Variants in SDK1 observed in about 807,000 individuals in gnomAD.
SDK1 encodes protein sidekick-1.
A neutral mutation model predicts 245.5 loss-of-function variants in SDK1; 157 were observed. The ratio of observed to expected loss-of-function variants is 0.64; its 90% CI spans 0.56 to 0.73. The LOEUF (loss-of-function observed/expected upper bound fraction) is 0.73, where lower values mean the gene tolerates loss of function less well. Among genes scored for constraint, SDK1 ranks in the 30% least tolerant of loss-of-function variants. The pLI, the probability that SDK1 is intolerant of heterozygous loss-of-function variation, is 0.00. For synonymous variants in SDK1, 1,647 were observed against 1,278.5 expected (o/e 1.29, Z -6.15); for missense variants, 3,583 against 3,002.3 (o/e 1.19, Z -4.52).
At chr7:3,414,424 A>G (rs1009168928) in intron 1 of SDK1, among the ~76,000 whole-genome samples, 1 of 152,170 alleles carries the variant, frequency 6.6e-6, no homozygotes, top group Admixed American at 6.5e-5. Flanking sequence ...CAGAGCATCC[A>G]GCGAAGGTGG....
At chr7:3,587,499 C>G (rs1439692730) in intron 1 of SDK1, among the ~76,000 whole-genome samples, 2 of 152,114 alleles carry the variant, frequency 1.3e-5, no homozygotes, top group African/African-American at 4.8e-5. Flanking sequence ...GGCCTAAGAA[C>G]CAGGAGTGCC....
chr7:3,390,858 G>C (rs918053693), intron 1 of SDK1, among the ~76,000 whole-genome samples: 1 of 152,154 alleles, frequency 6.6e-6, no homozygotes, highest in African/African-American at 2.4e-5. Context: ...AGGACATTCA[G>C]TTTGTGGCAT....
At chr7:3,419,956 T>C (rs954623924) in intron 1 of SDK1, among the ~76,000 whole-genome samples, 2 of 152,144 alleles carry the variant, frequency 1.3e-5, no homozygotes, top group African/African-American at 4.8e-5. Context: ...TACCAGTGGC[T>C]CAGAAGTAGG....
chr7:3,913,763 A>T (rs192721833), intron 5 of SDK1, among the ~76,000 whole-genome samples: 1 of 152,320 alleles, frequency 6.6e-6, no homozygotes, highest in East Asian at 1.9e-4. Context: ...CCCAGCAAAA[A>T]TAAGAAAACA....
chr7:3,365,795 G>A (rs1222028577), intron 1 of SDK1, among the ~76,000 whole-genome samples: 3 of 149,996 alleles, frequency 2.0e-5, no homozygotes, highest in Admixed American at 6.7e-5. Flanking sequence ...CACTTTGGGA[G>A]GCCGAGGTGG....
intron 1 of SDK1, among the ~76,000 whole-genome samples, chr7:3,339,181 AT>A (rs1196996891): frequency 2.0e-5 from 3 of 152,076 alleles, no homozygotes; most frequent in African/African-American, 7.2e-5. Flanking sequence ...TTCAGAATAA[AT>A]TAATAAAGAC....
At chr7:3,534,488 T>G (rs962768434) in intron 1 of SDK1, among the ~76,000 whole-genome samples, 1 of 152,224 alleles carries the variant, frequency 6.6e-6, no homozygotes, top group Non-Finnish European at 1.5e-5. Flanking sequence ...TTGTACAGTT[T>G]TGCATTCCTA....
intron 4 of SDK1, among the ~76,000 whole-genome samples, chr7:3,795,076 G>T (rs1306867439): frequency 1.3e-5 from 2 of 152,132 alleles, no homozygotes; most frequent in African/African-American, 4.8e-5. Context: ...CGTTCTTCCT[G>T]TTCTCAGATA....
intron 1 of SDK1, among the ~76,000 whole-genome samples, chr7:3,304,923 A>AC (rs1305249924): frequency 1.3e-5 from 2 of 151,788 alleles, no homozygotes; most frequent in African/African-American, 4.8e-5. Flanking sequence ...ATGCTGAGAC[A>AC]CCCCCTCCTC....
intron 1 of SDK1, among the ~76,000 whole-genome samples, chr7:3,485,622 G>A (rs1232636835): frequency 7.3e-6 from 1 of 137,020 alleles, no homozygotes; most frequent in Non-Finnish European, 1.5e-5. Flanking sequence ...TTATGAAAAT[G>A]CTTTCTTGTA....
rs1437332867 is a variant in SDK1, at chr7:4,139,525, A to G, written c.4229-6197A>G. Reference sequence around the variant, plus strand: ...TGTGTATATGTATATATGTGTGTGTATGTGTGTGTGTATATATGTGTGTGT... The same window carrying G: ...TGTGTATATGTATATATGTGTGTGTGTGTGTGTGTGTATATATGTGTGTGT... On this transcript the variant is annotated intron_variant, in intron 28 of 44. Coordinates refer to ENST00000404826, the MANE Select transcript of SDK1 (RefSeq NM_152744.4). Among the ~76,000 whole-genome samples, 113 of 11,742 alleles carry G rather than the reference A, an allele frequency of 9.6e-3. 18 individuals carry two copies. The highest frequency in any genetic ancestry group is 0.015 in the African/African-American group (99 of 6,596). 7.7% of individuals were successfully genotyped at this position (11,742 alleles called of 152,430 possible).
rs533658017 is a variant in SDK1 at position 3,552,046 on chromosome 7, C to CT, written c.299-67024dup. ...AGATTTTACTCTTCTTCTTCTTCTT[C>CT]TTTTTTTTTTGAGCCGGAGCCTCGC... On this transcript the variant is annotated intron_variant, in intron 1 of 44. Transcript: ENST00000404826. Among the ~76,000 whole-genome samples the CT allele has an allele frequency of 3.0e-3, 445 of 147,830 alleles. 4 individuals carry two copies. Among genetic ancestry groups the CT allele is most frequent in the Admixed American group, 6.4e-3 (95 of 14,818 alleles).
At chr7:3,768,307 C>T (rs1303099221) in intron 4 of SDK1, among the ~76,000 whole-genome samples, 1 of 152,150 alleles carries the variant, frequency 6.6e-6, no homozygotes, top group Non-Finnish European at 1.5e-5. Context: ...CCGCATAAAG[C>T]AGAGTGTGAA....
chr7:3,994,203 A>G (rs1784541813), intron 14 of SDK1, among the ~76,000 whole-genome samples: 1 of 152,134 alleles, frequency 6.6e-6, no homozygotes, highest in Non-Finnish European at 1.5e-5. Context: ...GTGTATTTCT[A>G]ACCTAGACCT....
intron 5 of SDK1, among the ~76,000 whole-genome samples, chr7:3,831,362 T>C (rs1779907919): frequency 6.6e-6 from 1 of 152,228 alleles, no homozygotes; most frequent in African/African-American, 2.4e-5. Flanking sequence ...GTATGATTTT[T>C]CCTTTTACGA....
chr7:4,251,790 T>A (rs531791583), intron 44 of SDK1, among the ~76,000 whole-genome samples: 1 of 152,376 alleles, frequency 6.6e-6, no homozygotes, highest in South Asian at 2.1e-4. Context: ...GCTAGTGGTC[T>A]CAGACCTGCT....
intron 1 of SDK1, among the ~76,000 whole-genome samples, chr7:3,303,482 C>G (rs1185917175): frequency 6.6e-6 from 1 of 152,104 alleles, no homozygotes; most frequent in Non-Finnish European, 1.5e-5. Flanking sequence ...TTATCAGTTG[C>G]ACTTTGAAGG....
intron 22 of SDK1, among the ~76,000 whole-genome samples, chr7:4,105,952 G>C (rs1478616817): frequency 6.6e-6 from 1 of 152,194 alleles, no homozygotes; most frequent in South Asian, 2.1e-4. Flanking sequence ...GGAGCCATGT[G>C]GCACCTGCCT....
At chr7:4,259,370 G>A (rs558800750) in intron 44 of SDK1, among the ~76,000 whole-genome samples, 1 of 152,326 alleles carries the variant, frequency 6.6e-6, no homozygotes, top group African/African-American at 2.4e-5. Flanking sequence ...AGGAGGCAGA[G>A]GTTACAGTGA....
Sources: allele counts gnomAD v4.1 joint callset (sites outside exome capture counted in the v4.1 genomes callset), GRCh38; gene constraint gnomAD v4.1.1; transcripts MANE v1.5; gene names NCBI Gene and HGNC (gene_info 2026-07-23, HGNC 2026-07-21).